The following AP3B2 variants were observed in gnomAD, a reference collection of about 807,000 sequenced individuals.
The protein encoded by AP3B2 is AP-3 complex subunit beta-2.
In AP3B2, 50 loss-of-function variants were observed where a neutral mutation model predicts 126.9. The ratio of observed to expected loss-of-function variants is 0.39; its 90% CI spans 0.31 to 0.50. The LOEUF (loss-of-function observed/expected upper bound fraction) is 0.50, where lower values mean the gene tolerates loss of function less well. Ranked by LOEUF, AP3B2 falls within the 20% of genes least tolerant of loss-of-function variation. The probability of loss-of-function intolerance (pLI) is 0.79; values close to 1 mark genes in which losing one functional copy is unlikely to be tolerated. For synonymous variants in AP3B2, 541 were observed against 565.0 expected (o/e 0.96, Z 0.60); for missense variants, 1,177 against 1,426.4 (o/e 0.83, Z 2.82).
At position 82,689,373 on chromosome 15, in the gene AP3B2, C is replaced by A. The variant is rs765500631; in HGVS notation, c.189+5G>T. On this transcript the variant is annotated splice_donor_5th_base_variant and intron_variant, in intron 2 of 26. Coordinates refer to ENST00000535359, the MANE Select transcript of AP3B2 (RefSeq NM_001278512.2). The stretch of plus-strand genomic sequence containing the variant: ...CGGAGGGAGGCCTCCTCCTTCCCCT[C>A]TTACCGCCACAATCCTCTTCATGGC... 6 of 1,613,792 alleles carry A rather than the reference C, an allele frequency of 3.7e-6. No homozygotes were observed. Among genetic ancestry groups the A allele is most frequent in the Non-Finnish European group, 5.1e-6 (6 of 1,179,814 alleles).
rs369969274 is a variant in AP3B2 at position 82,680,193 on chromosome 15, G to A, written c.1092C>T (p.Thr364=). 3.7e-6 allele frequency: 6 copies of A among 1,613,402 alleles called. No individual in the cohort carries two copies. The African/African-American group carries it at 6.7e-5, about 18-fold the overall frequency. ...GGCTCACCCGGCGCTTGATGGACAT[G>A]GTGGCCACGTTCTGGAGCACAACGT... ...VQYVVLQNVA[T]MSIKRRGMFE... is the part of the protein sequence containing the mutation. The change falls in exon 9 of 27, where the codon ACC becomes ACT. Residue 364 remains threonine (T), a synonymous_variant. Transcript: ENST00000535359. The surrounding 1 kb of genome is among the most constrained non-coding windows in gnomAD (Gnocchi z 6.1).
At chr15:82,685,068 G>T (rs1319032451) in intron 4 of AP3B2, 1 of 152,158 alleles carries the variant, frequency 6.6e-6, no homozygotes, top group Non-Finnish European at 1.5e-5. Context: ...GGAGATGGGG[G>T]AACAGTCAGA....
At chr15:82,692,466 T>C (rs746270982) in intron 1 of AP3B2, 55 of 301,960 alleles carry the variant, frequency 1.8e-4, no homozygotes, top group Non-Finnish European at 3.1e-4. Context: ...TGTGGTACTT[T>C]TGATACAGGA....
At position 82,665,279 on chromosome 15, in the gene AP3B2, T is replaced by G. The variant is rs1359483076; in HGVS notation, c.1996A>C (p.Thr666Pro). 4 of 1,546,092 alleles carry G rather than the reference T, an allele frequency of 2.6e-6. No homozygotes were observed. Among genetic ancestry groups the G allele is most frequent in the Admixed American group, 3.9e-5 (2 of 51,470 alleles). Residue 666 changes from threonine to proline, a missense_variant, in exon 17 of 27, where the codon ACT (threonine) becomes CCT (proline). By Grantham distance (38) the Thr-to-Pro change is conservative. Coordinates refer to ENST00000535359, the MANE Select transcript of AP3B2 (RefSeq NM_001278512.2). The surrounding 1 kb of genome is among the most constrained non-coding windows in gnomAD (Gnocchi z 4.4). ...VEEEDLSLIE[T>P]HVGLLGEYTE... The stretch of plus-strand genomic sequence containing the variant: ...TATTCGCCCAACAGGCCCACGTGAG[T>G]CTCAATAAGGGAGAGATCTTCTTCC...
Position 82,659,644 on chromosome 15 carries a change from T to C in AP3B2, c.3222A>G (p.Gly1074=), listed in dbSNP as rs759403878. The change falls in exon 27 of 27, where the codon GGA becomes GGG. Residue 1074 remains glycine, a synonymous_variant. Transcript: ENST00000535359. The part of the protein sequence containing the change: ...VLLTLDARPA[G]AAQLTVNSEK... ...CGCTGTTGACAGTCAGCTGGGCAGCTCCAGCTGGCCGGGCATCCAGGGTCA... is the reference window on the plus strand; with the variant it reads ...CGCTGTTGACAGTCAGCTGGGCAGCCCCAGCTGGCCGGGCATCCAGGGTCA... 6 of 1,613,796 alleles carry C rather than the reference T, an allele frequency of 3.7e-6. No homozygotes were observed. The highest frequency in any genetic ancestry group is 5.1e-6 in the Non-Finnish European group (6 of 1,179,876).
chr15:82,709,844 G>A lies in AP3B2; in HGVS notation c.-138C>T, dbSNP rs2048856924. 3.5e-6 allele frequency: 2 copies of A among 578,374 alleles called. No individual in the cohort carries two copies. The highest frequency in any genetic ancestry group is 5.4e-6 in the Non-Finnish European group (2 of 369,756). 35.8% of individuals were successfully genotyped at this position (578,374 alleles called of 1,614,324 possible). On this transcript the variant is annotated 5_prime_UTR_variant, in exon 1 of 27. Coordinates refer to ENST00000535359, the MANE Select transcript of AP3B2 (RefSeq NM_001278512.2). ...GCAGGGGTTCAGCAGAGGCTGCAGTGTGCAGCGGCGGAGGCTGCGCGCGGA... is the reference window on the plus strand; with the variant it reads ...GCAGGGGTTCAGCAGAGGCTGCAGTATGCAGCGGCGGAGGCTGCGCGCGGA...
intron 20 of AP3B2, 39 bp downstream of exon 20, chr15:82,663,762 G>A: frequency 1.2e-6 from 2 of 1,601,384 alleles, no homozygotes; most frequent in Non-Finnish European, 1.7e-6. Flanking sequence ...GAGGGCCCTG[G>A]CCCATGAGCA....
chr15:82,683,138 A>G lies in AP3B2; in HGVS notation c.361-1558T>C, dbSNP rs564871578. ...CAGTGGCGAGATCTCGGGTCACTGC[A>G]AGCTCCACCTCCCAGGTTCACGCCA... is the stretch of plus-strand genomic sequence containing the variant. On this transcript the variant is annotated intron_variant, in intron 4 of 26. Transcript: ENST00000535359. 6.0e-5 allele frequency among the ~76,000 whole-genome samples: 8 copies of G among 132,690 alleles called. No individual in the cohort carries two copies. In the East Asian group the frequency reaches 1.9e-3, roughly 31 times the overall value. 87.0% of individuals were successfully genotyped at this position (132,690 alleles called of 152,430 possible).
intron 14 of AP3B2, among the ~76,000 whole-genome samples, chr15:82,669,340 C>T (rs1280271296): frequency 6.6e-6 from 1 of 152,070 alleles, no homozygotes; most frequent in African/African-American, 2.4e-5. Context: ...AGGATTCCAC[C>T]AAAAAACTAT....
chr15:82,661,071 C>T (rs1567253753), intron 25 of AP3B2, among the ~76,000 whole-genome samples: 1 of 152,118 alleles, frequency 6.6e-6, no homozygotes, highest in African/African-American at 2.4e-5. Flanking sequence ...GTTCTCCTCC[C>T]ACCTCTCCCT....
intron 14 of AP3B2, among the ~76,000 whole-genome samples, chr15:82,675,727 A>G (rs1392706625): frequency 6.6e-6 from 1 of 152,248 alleles, no homozygotes; most frequent in Non-Finnish European, 1.5e-5. Context: ...AAACTTTATT[A>G]CAAAAACAGG....
At chr15:82,707,822 A>G (rs1303154585) in intron 1 of AP3B2, among the ~76,000 whole-genome samples, 4 of 152,020 alleles carry the variant, frequency 2.6e-5, no homozygotes, top group African/African-American at 7.3e-5. Flanking sequence ...CAACCCCACA[A>G]TATCATCCCT....
Position 82,664,849 on chromosome 15 carries a change from T to G in AP3B2, c.2123A>C (p.Glu708Ala), listed in dbSNP as rs1321189054. 2 of 1,595,036 alleles carry G rather than the reference T, an allele frequency of 1.3e-6. No homozygotes were observed. Among genetic ancestry groups the G allele is most frequent in the Non-Finnish European group, 1.7e-6 (2 of 1,170,452 alleles). Residue 708 changes from glutamate (E) to alanine (A), a missense_variant, in exon 18 of 27, where the codon GAG (glutamate) becomes GCG (alanine). By Grantham distance (107) the Glu-to-Ala change is moderately radical. Around this residue, in one of 5 missense-constraint regions of AP3B2, gnomAD observed 587 missense variants for 571.3 expected, o/e 1.03. Coordinates refer to ENST00000535359, the MANE Select transcript of AP3B2 (RefSeq NM_001278512.2). This position sits in a 1 kb window ranked among gnomAD's most constrained non-coding sequence, Gnocchi z 4.5. The part of the protein sequence containing the change: ...SDSEGESGPT[E>A]SADSDPESES... Reference sequence around the variant, plus strand: ...CATCTGCTCACCACTGTCTGCGGACTCCGTGGGGCCTGACTCCCCCTCAGA... The same window carrying G: ...CATCTGCTCACCACTGTCTGCGGACGCCGTGGGGCCTGACTCCCCCTCAGA...
chr15:82,688,914 C>A, intron 3 of AP3B2, 83 bp from the exon 4 acceptor site: 1 of 1,317,874 alleles, frequency 7.6e-7, no homozygotes. Flanking sequence ...GTCATCTCCC[C>A]AGCCAGCTGC....
intron 21 of AP3B2, 26 bp from the exon 22 acceptor site, chr15:82,663,259 G>A: frequency 6.4e-7 from 1 of 1,570,762 alleles, no homozygotes; most frequent in East Asian, 2.3e-5. Flanking sequence ...AGACTATGAG[G>A]AGGCAAAGTG....
chr15:82,692,787 C>T (rs1392251551), intron 1 of AP3B2: 3 of 152,230 alleles, frequency 2.0e-5, no homozygotes, highest in Admixed American at 6.5e-5. Flanking sequence ...AGTCATTAAA[C>T]TCTAGTGGGA....
At chr15:82,674,175 G>A (rs78987111) in intron 14 of AP3B2, among the ~76,000 whole-genome samples, 3 of 152,208 alleles carry the variant, frequency 2.0e-5, no homozygotes, top group Non-Finnish European at 2.9e-5. Flanking sequence ...GAGAATGACT[G>A]AGATTACTGT....
chr15:82,663,049 C>T, intron 22 of AP3B2, 78 bp downstream of exon 22: 1 of 1,487,684 alleles, frequency 6.7e-7, no homozygotes, highest in Admixed American at 1.9e-5. Context: ...ACCCACCCCC[C>T]ACACACATCC....
chr15:82,698,293 A>G (rs1464609870), intron 1 of AP3B2, among the ~76,000 whole-genome samples: 1 of 151,878 alleles, frequency 6.6e-6, no homozygotes, highest in African/African-American at 2.4e-5. Flanking sequence ...CTCTACACAC[A>G]TAAACCACCC....
Sources: allele counts gnomAD v4.1 joint callset (sites outside exome capture counted in the v4.1 genomes callset), GRCh38; gene constraint gnomAD v4.1.1; regional missense constraint gnomAD v4.1.1; non-coding constraint Gnocchi (gnomAD v3.1); transcripts MANE v1.5; gene names NCBI Gene and HGNC (gene_info 2026-07-23, HGNC 2026-07-21).